The following LAMA2 variants were observed in gnomAD, a reference collection of about 807,000 sequenced individuals.
The protein encoded by LAMA2 is laminin subunit alpha 2.
LAMA2 carries 269 observed loss-of-function variants against 364.8 expected under a neutral mutation model. That is an observed-to-expected ratio of 0.74 (90% CI 0.67 to 0.82). The LOEUF (loss-of-function observed/expected upper bound fraction) is 0.82. Ranked by LOEUF, LAMA2 falls within the 40% of genes least tolerant of loss-of-function variation. The probability of loss-of-function intolerance (pLI) is 0.00; values close to 1 mark genes in which losing one functional copy is unlikely to be tolerated. For synonymous variants in LAMA2, 1,379 were observed against 1,370.6 expected, an observed-to-expected ratio of 1.01 and a Z score of -0.14; for missense variants, 3,807 against 3,873.2, an observed-to-expected ratio of 0.98 and a Z score of 0.45.
intron 29 of LAMA2, among the ~76,000 whole-genome samples, chr6:129,329,721 G>C (rs530423896): frequency 1.1e-4 from 17 of 152,224 alleles, no homozygotes; most frequent in African/African-American, 3.9e-4. Context: ...GTGGGGGCAG[G>C]TTTTCCTGCT....
chr6:129,505,453 T>G, intron 61 of LAMA2, 98 bp downstream of exon 61: 1 of 878,812 alleles, frequency 1.1e-6, no homozygotes, highest in South Asian at 1.4e-5. Flanking sequence ...TGAAAACTGA[T>G]AGGTGAATAG....
chr6:128,990,621 C>G (rs1783552438), intron 1 of LAMA2, among the ~76,000 whole-genome samples: 1 of 152,072 alleles, frequency 6.6e-6, no homozygotes, highest in Non-Finnish European at 1.5e-5. Flanking sequence ...TTGCCTTAAG[C>G]CAAGTACATG....
intron 27 of LAMA2, among the ~76,000 whole-genome samples, chr6:129,316,984 A>G (rs1369006270): frequency 1.3e-5 from 2 of 152,236 alleles, no homozygotes; most frequent in Non-Finnish European, 2.9e-5. Flanking sequence ...TGATTGTTTA[A>G]TTTGAAAGAG....
intron 3 of LAMA2, among the ~76,000 whole-genome samples, chr6:129,085,408 G>T (rs1225982350): frequency 6.6e-6 from 1 of 152,064 alleles, no homozygotes; most frequent in Non-Finnish European, 1.5e-5. Context: ...CTGTTGAATT[G>T]GAAAAATATT....
At chr6:128,883,489 A>G (rs1775940421) in intron 1 of LAMA2, 132 bp downstream of exon 1, 2 of 1,457,238 alleles carry the variant, frequency 1.4e-6, no homozygotes, top group Non-Finnish European at 1.9e-6. Context: ...CTCTGGGGCA[A>G]GAGGAACTTG....
intron 1 of LAMA2, among the ~76,000 whole-genome samples, chr6:128,926,503 ACT>A (rs755048019): frequency 1.3e-4 from 19 of 151,958 alleles, no homozygotes; most frequent in Non-Finnish European, 2.6e-4. Context: ...AATTTTTAAA[ACT>A]CTAATGCTTT....
chr6:129,114,604 ACT>A (rs1300942470), intron 4 of LAMA2, among the ~76,000 whole-genome samples: 6 of 151,944 alleles, frequency 3.9e-5, no homozygotes, highest in South Asian at 4.2e-4. Context: ...TTTTAAAAAA[ACT>A]CTATATTTTA....
At chr6:129,443,304 T>C (rs1343023130) in intron 44 of LAMA2, among the ~76,000 whole-genome samples, 1 of 152,192 alleles carries the variant, frequency 6.6e-6, no homozygotes, top group Non-Finnish European at 1.5e-5. Context: ...AAAAGTTTGG[T>C]CAGGCGAAGT....
chr6:129,360,703 G>A (rs548751157), intron 32 of LAMA2, among the ~76,000 whole-genome samples: 78 of 152,298 alleles, frequency 5.1e-4, no homozygotes, highest in African/African-American at 1.8e-3. Context: ...GAATGTATGA[G>A]CCCTTGAAAG....
At chr6:129,373,534 T>C (rs1019394905) in intron 34 of LAMA2, among the ~76,000 whole-genome samples, 4 of 152,156 alleles carry the variant, frequency 2.6e-5, no homozygotes, top group African/African-American at 9.7e-5. Flanking sequence ...AACCCAAGAC[T>C]GTATTCATAT....
At chr6:129,412,933 A>G (rs1780608148) in intron 40 of LAMA2, among the ~76,000 whole-genome samples, 2 of 152,350 alleles carry the variant, frequency 1.3e-5, no homozygotes, top group East Asian at 1.9e-4. Flanking sequence ...AGGATATTTG[A>G]TGAGCACTAA....
At chr6:129,214,547 C>A (rs1358707519) in intron 12 of LAMA2, among the ~76,000 whole-genome samples, 1 of 152,170 alleles carries the variant, frequency 6.6e-6, no homozygotes, top group East Asian at 1.9e-4. Context: ...TTCCTTTCTT[C>A]ATTGAATTCC....
At chr6:129,158,285 T>A in intron 8 of LAMA2, 1 of 1,614,106 alleles carries the variant, frequency 6.2e-7, no homozygotes, top group Non-Finnish European at 8.5e-7. Context: ...TTAGCACAGT[T>A]TGGTAGATTT....
intron 22 of LAMA2, among the ~76,000 whole-genome samples, chr6:129,308,481 T>C (rs541025737): frequency 1.3e-5 from 2 of 152,350 alleles, no homozygotes; most frequent in African/African-American, 4.8e-5. Context: ...CAAGTTTCTA[T>C]GAAAACGTAG....
chr6:129,306,709 T>C (rs2114478077), intron 22 of LAMA2, among the ~76,000 whole-genome samples: 1 of 152,202 alleles, frequency 6.6e-6, no homozygotes, highest in East Asian at 1.9e-4. Flanking sequence ...GTGTCCAAAG[T>C]CACTGATTTT....
Position 129,401,360 on chromosome 6 carries a change from C to CAA in LAMA2, c.5562+23_5562+24dup. The CAA allele has an allele frequency of 2.9e-6, 4 of 1,397,566 alleles. No homozygotes were observed. The highest frequency in any genetic ancestry group is 4.1e-6 in the Non-Finnish European group (4 of 983,928). The allele number at this position is 1,397,566 out of a possible 1,614,324, so 86.6% of individuals were successfully genotyped here. ...ATAGACGTGAGTATTGGGTAAAACT[C>CAA]AAAAGAGAGATGATAATGAATAAAT... On this transcript the variant is annotated intron_variant, in intron 38 of 64. Coordinates refer to ENST00000421865, the MANE Select transcript of LAMA2 (RefSeq NM_000426.4).
At chr6:129,330,387 C>T (rs1469030626) in intron 29 of LAMA2, among the ~76,000 whole-genome samples, 1 of 151,708 alleles carries the variant, frequency 6.6e-6, no homozygotes, top group East Asian at 2.0e-4. Context: ...TCTCCATCTG[C>T]TTGTCGAAGT....
intron 12 of LAMA2, among the ~76,000 whole-genome samples, chr6:129,245,635 T>C (rs1785700252): frequency 6.6e-6 from 1 of 152,196 alleles, no homozygotes; most frequent in Admixed American, 6.6e-5. Flanking sequence ...TGAATGTTAA[T>C]GGATGAATTT....
At chr6:128,965,979 G>GT (rs11342050) in intron 1 of LAMA2, among the ~76,000 whole-genome samples, 3,678 of 112,660 alleles carry the variant, frequency 0.033, 65 homozygotes, top group East Asian at 0.054. Flanking sequence ...TAAACCAGAG[G>GT]TTTTTTTTTT....
Sources: allele counts gnomAD v4.1 joint callset (sites outside exome capture counted in the v4.1 genomes callset), GRCh38; gene constraint gnomAD v4.1.1; transcripts MANE v1.5; gene names NCBI Gene and HGNC (gene_info 2026-07-23, HGNC 2026-07-21).